Variants in CACNA2D1 observed in about 807,000 individuals in gnomAD.
The protein encoded by CACNA2D1 is calcium voltage-gated channel auxiliary subunit alpha2delta 1, also known as voltage-dependent calcium channel subunit alpha-2/delta-1.
A neutral mutation model predicts 171.5 loss-of-function variants in CACNA2D1; 53 were observed. The ratio of observed to expected loss-of-function variants is 0.31; its 90% confidence interval spans 0.25 to 0.39. CACNA2D1 has a LOEUF of 0.39. Ranked by LOEUF, CACNA2D1 falls within the 10% of genes least tolerant of loss-of-function variation. CACNA2D1 has a pLI of 1.00. For missense variants in CACNA2D1, 903 were observed against 1,299.8 expected (o/e 0.69, Z 4.69); for synonymous variants, 442 against 443.1 (o/e 1.00, Z 0.03).
chr7:82,234,594 AAT>A (rs3086953), intron 3 of CACNA2D1, among the ~76,000 whole-genome samples: 37,743 of 151,922 alleles, frequency 0.25, 5,835 homozygotes, highest in East Asian at 0.49. Context: ...TTAGAAAAAA[AAT>A]AGCTATTCTT....
chr7:82,350,622 G>A (rs1205074990), intron 1 of CACNA2D1, among the ~76,000 whole-genome samples: 3 of 152,236 alleles, frequency 2.0e-5, no homozygotes, highest in East Asian at 1.9e-4. Flanking sequence ...CTGAGATCGC[G>A]CCACTGCACT....
intron 2 of CACNA2D1, among the ~76,000 whole-genome samples, chr7:82,335,558 G>A (rs1471811005): frequency 6.6e-6 from 1 of 152,126 alleles, no homozygotes; most frequent in Admixed American, 6.6e-5. Context: ...GGTATTATCT[G>A]TCATCAGCAT....
rs78269596 is a variant in CACNA2D1, at chr7:82,270,188, T to C, written c.294+64947A>G. On this transcript the variant is annotated intron_variant, in intron 3 of 38. Transcript: ENST00000356860. ...TGCACTGTTAATCTTTGTTTTTGTT[T>C]TTTGCTTTTTTAGTATTTATCCAAA... 8.3e-3 allele frequency among the ~76,000 whole-genome samples: 1,258 copies of C among 152,246 alleles called. 25 individuals are homozygous for C. The highest frequency in any genetic ancestry group is 0.029 in the African/African-American group (1,191 of 41,556).
Position 82,182,259 on chromosome 7 carries a change from C to T in CACNA2D1, c.295-11650G>A, listed in dbSNP as rs146385409. ...GTAGAAGGAAGAAAACTGCTATACT[C>T]ATAAGAAAATGATCAAATCTCTGTA... On this transcript the variant is annotated intron_variant, in intron 3 of 38. Transcript: ENST00000356860. Among the ~76,000 whole-genome samples, 1,067 of 152,066 alleles carry T rather than the reference C, an allele frequency of 7.0e-3. 9 individuals are homozygous for T. Among genetic ancestry groups the T allele is most frequent in the African/African-American group, 0.025 (1,024 of 41,486 alleles).
intron 8 of CACNA2D1, among the ~76,000 whole-genome samples, chr7:82,065,464 T>A (rs3801768): frequency 1.3e-5 from 2 of 151,938 alleles, no homozygotes; most frequent in South Asian, 2.1e-4. Context: ...AAAACAAGAC[T>A]ATATATTAGT....
chr7:82,032,928 A>C (rs2131155565), intron 11 of CACNA2D1, 27 bp from the exon 12 acceptor site: 1 of 1,148,534 alleles, frequency 8.7e-7, no homozygotes, highest in Non-Finnish European at 1.3e-6. Context: ...CAAACAAAAC[A>C]ATATGCGTAT....
At chr7:82,350,351 T>G (rs1819710877) in intron 1 of CACNA2D1, among the ~76,000 whole-genome samples, 1 of 152,162 alleles carries the variant, frequency 6.6e-6, no homozygotes, top group Non-Finnish European at 1.5e-5. Flanking sequence ...ACAAATATCT[T>G]AGAGCCTGAA....
At chr7:82,015,095 T>C (rs1429402763) in intron 12 of CACNA2D1, among the ~76,000 whole-genome samples, 2 of 152,102 alleles carry the variant, frequency 1.3e-5, no homozygotes, top group African/African-American at 2.4e-5. Context: ...AGAAAATACA[T>C]CTTTGAGGTC....
intron 11 of CACNA2D1, among the ~76,000 whole-genome samples, chr7:82,034,171 G>A (rs1803033821): frequency 6.6e-6 from 1 of 151,964 alleles, no homozygotes; most frequent in Non-Finnish European, 1.5e-5. Context: ...TATCATTTCA[G>A]ATCAGCCACC....
intron 3 of CACNA2D1, among the ~76,000 whole-genome samples, chr7:82,259,171 C>T (rs1806746308): frequency 6.6e-6 from 1 of 151,844 alleles, no homozygotes; most frequent in African/African-American, 2.4e-5. Flanking sequence ...CATCTGATTC[C>T]TGAATAAACA....
chr7:82,082,419 G>C (rs571766976), intron 7 of CACNA2D1, among the ~76,000 whole-genome samples: 1 of 152,214 alleles, frequency 6.6e-6, no homozygotes, highest in East Asian at 1.9e-4. Context: ...ACTCAGTGTG[G>C]TTGAGTCTGG....
chr7:81,994,790 GA>G, intron 20 of CACNA2D1, 77 bp downstream of exon 20: 6 of 781,466 alleles, frequency 7.7e-6, no homozygotes, highest in Middle Eastern at 3.5e-4. Flanking sequence ...TGGATTAATA[GA>G]AAAAAAGGAC....
At chr7:82,149,560 G>A (rs994332243) in intron 4 of CACNA2D1, among the ~76,000 whole-genome samples, 1 of 152,040 alleles carries the variant, frequency 6.6e-6, no homozygotes, top group Non-Finnish European at 1.5e-5. Flanking sequence ...GTCACTCGGA[G>A]TGTTCACTCC....
chr7:81,959,405 TTAAAAATAAA>T, intron 37 of CACNA2D1, 48 bp from the exon 38 acceptor site: 1 of 1,272,672 alleles, frequency 7.9e-7, no homozygotes, highest in South Asian at 1.2e-5. Context: ...TTTCACATGA[TTAAAAATAAA>T]TACAATGCAA....
intron 3 of CACNA2D1, among the ~76,000 whole-genome samples, chr7:82,173,092 G>C (rs1018298495): frequency 6.6e-6 from 1 of 151,974 alleles, no homozygotes; most frequent in Non-Finnish European, 1.5e-5. Flanking sequence ...GCATGAGAAA[G>C]TGCAATTCAA....
chr7:82,055,844 C>A (rs1805795441), intron 10 of CACNA2D1, among the ~76,000 whole-genome samples: 2 of 147,530 alleles, frequency 1.4e-5, no homozygotes, highest in African/African-American at 5.0e-5. Context: ...AGCACACCAA[C>A]ATGGCACATG....
chr7:82,175,650 C>G (rs1266646581), intron 3 of CACNA2D1, among the ~76,000 whole-genome samples: 4 of 152,014 alleles, frequency 2.6e-5, no homozygotes, highest in Non-Finnish European at 5.9e-5. Context: ...TACTTTGGAT[C>G]TATGGTACAA....
intron 12 of CACNA2D1, chr7:82,027,731 T>A (rs1228124639): frequency 1.3e-5 from 2 of 151,774 alleles, no homozygotes; most frequent in Admixed American, 1.3e-4. Flanking sequence ...TAACTTCATG[T>A]CTCTGTCACA....
At chr7:82,098,935 A>G (rs1032485313) in intron 6 of CACNA2D1, among the ~76,000 whole-genome samples, 19 of 152,356 alleles carry the variant, frequency 1.2e-4, no homozygotes, top group African/African-American at 4.1e-4. Flanking sequence ...ACCAAAATGC[A>G]TATTTCTCAA....
Sources: gnomAD v4.1 joint callset for allele counts (sites outside exome capture counted in the v4.1 genomes callset) on GRCh38, gnomAD v4.1.1 for gene constraint, MANE v1.5 for transcripts, NCBI Gene and HGNC (gene_info 2026-07-23, HGNC 2026-07-21) for gene names.